Variants in DEFB123 observed in about 807,000 individuals in gnomAD.
The protein encoded by DEFB123 is beta-defensin 123.
For missense variants in DEFB123, 71 were observed against 75.0 expected, an observed-to-expected ratio of 0.95 and a Z score of 0.20; for synonymous variants, 22 against 28.3, an observed-to-expected ratio of 0.78 and a Z score of 0.71.
intron 1 of DEFB123, among the ~76,000 whole-genome samples, chr20:31,448,399 A>G (rs1326881884): frequency 6.6e-6 from 1 of 151,982 alleles, no homozygotes; most frequent in Non-Finnish European, 1.5e-5. Flanking sequence ...TAGAGTTTTC[A>G]TCAAACTTGA....
intron 1 of DEFB123, among the ~76,000 whole-genome samples, chr20:31,444,316 C>T (rs1160985066): frequency 6.6e-6 from 1 of 152,032 alleles, no homozygotes; most frequent in Admixed American, 6.6e-5. Flanking sequence ...ACCCTGAGTT[C>T]GTTCTTTATA....
intron 1 of DEFB123, among the ~76,000 whole-genome samples, chr20:31,447,126 G>A (rs1345047577): frequency 6.6e-6 from 1 of 151,898 alleles, no homozygotes; most frequent in Non-Finnish European, 1.5e-5. Flanking sequence ...GCCAGGCGTG[G>A]TGGCGCATGC....
intron 1 of DEFB123, among the ~76,000 whole-genome samples, chr20:31,448,958 C>T (rs1411910106): frequency 6.6e-6 from 1 of 150,736 alleles, no homozygotes; most frequent in Non-Finnish European, 1.5e-5. Context: ...GAACTCCTGA[C>T]CTCAGGTGAT....
At chr20:31,442,799 G>A (rs551218945) in intron 1 of DEFB123, among the ~76,000 whole-genome samples, 3 of 152,064 alleles carry the variant, frequency 2.0e-5, no homozygotes, top group South Asian at 2.1e-4. Flanking sequence ...AGTAGGATAC[G>A]GTTTGGCCAT....
chr20:31,449,356 G>T (rs758484789), intron 1 of DEFB123, among the ~76,000 whole-genome samples: 130 of 152,086 alleles, frequency 8.5e-4, no homozygotes, highest in Non-Finnish European at 1.7e-3. Context: ...TTTAAGCTTT[G>T]TTAGGATGGG....
At chr20:31,444,928 G>C (rs1012791321) in intron 1 of DEFB123, among the ~76,000 whole-genome samples, 17 of 151,820 alleles carry the variant, frequency 1.1e-4, no homozygotes, top group African/African-American at 4.1e-4. Context: ...CAGTCTCATT[G>C]CTAGGGGGGC....
In DEFB123 at chr20:31,440,778, A is replaced by G. The variant is rs1600549194; in HGVS notation, c.58+22A>G. 1.9e-6 allele frequency: 3 copies of G among 1,612,422 alleles called. No homozygotes were observed. The East Asian group carries it at 6.7e-5, about 36-fold the overall frequency. On this transcript the variant is annotated intron_variant, in intron 1 of 1. Coordinates refer to ENST00000376309, the MANE Select transcript of DEFB123 (RefSeq NM_153324.4). ...CCAGGTAACCTGAACCTCCTTAAGGAAGGGGCAGGGCTTAGAGACTAAGGC... is the reference window on the plus strand; with the variant it reads ...CCAGGTAACCTGAACCTCCTTAAGGGAGGGGCAGGGCTTAGAGACTAAGGC...
At chr20:31,447,323 T>C (rs1181801057) in intron 1 of DEFB123, among the ~76,000 whole-genome samples, 1 of 152,112 alleles carries the variant, frequency 6.6e-6, no homozygotes, top group Non-Finnish European at 1.5e-5. Context: ...AAAAGTTGTT[T>C]ACATTTACCC....
chr20:31,449,797 A>T (rs1979691224), intron 1 of DEFB123, among the ~76,000 whole-genome samples: 1 of 150,998 alleles, frequency 6.6e-6, no homozygotes, highest in Non-Finnish European at 1.5e-5. Context: ...AAAAAAGACA[A>T]TCCGCACACA....
intron 1 of DEFB123, among the ~76,000 whole-genome samples, chr20:31,447,378 C>T (rs1261829533): frequency 6.6e-6 from 1 of 152,120 alleles, no homozygotes; most frequent in Non-Finnish European, 1.5e-5. Flanking sequence ...TGTAGACATC[C>T]AGATTTCCCT....
At chr20:31,441,943 G>A (rs1431804564) in intron 1 of DEFB123, among the ~76,000 whole-genome samples, 1 of 152,192 alleles carries the variant, frequency 6.6e-6, no homozygotes, top group Non-Finnish European at 1.5e-5. Flanking sequence ...ATCAGGTTGA[G>A]GGAACAACAT....
At chr20:31,448,540 T>C (rs75092483) in intron 1 of DEFB123, among the ~76,000 whole-genome samples, 2 of 144,894 alleles carry the variant, frequency 1.4e-5, no homozygotes, top group African/African-American at 4.9e-5. Flanking sequence ...TGCTCTTTTT[T>C]CCCCCCATCT....
At chr20:31,446,602 A>G (rs1360993299) in intron 1 of DEFB123, among the ~76,000 whole-genome samples, 1 of 152,220 alleles carries the variant, frequency 6.6e-6, no homozygotes, top group Non-Finnish European at 1.5e-5. Context: ...GAGTGACGAG[A>G]TATTCTAGGC....
At chr20:31,449,936 A>C (rs1228110730) in intron 1 of DEFB123, 93 bp from the exon 2 acceptor site, 30 of 1,419,862 alleles carry the variant, frequency 2.1e-5, no homozygotes, top group Non-Finnish European at 2.6e-5. Context: ...GGGACCTTCT[A>C]TCTCATCTGT....
At chr20:31,444,930 TA>T (rs141925163) in intron 1 of DEFB123, among the ~76,000 whole-genome samples, 2,997 of 152,312 alleles carry the variant, frequency 0.02, 69 homozygotes, top group Middle Eastern at 0.058. Flanking sequence ...GTCTCATTGC[TA>T]GGGGGGCATC....
chr20:31,441,285 G>A (rs1177104900), intron 1 of DEFB123, among the ~76,000 whole-genome samples: 1 of 152,134 alleles, frequency 6.6e-6, no homozygotes, highest in African/African-American at 2.4e-5. Context: ...GGGAAACCAG[G>A]GGGCTGGGTA....
At chr20:31,448,315 T>C (rs1979643957) in intron 1 of DEFB123, among the ~76,000 whole-genome samples, 1 of 152,178 alleles carries the variant, frequency 6.6e-6, no homozygotes, top group Non-Finnish European at 1.5e-5. Flanking sequence ...AATTTGATTA[T>C]TATGTGCCTT....
At chr20:31,448,197 G>A (rs1159962548) in intron 1 of DEFB123, among the ~76,000 whole-genome samples, 1 of 152,064 alleles carries the variant, frequency 6.6e-6, no homozygotes, top group Non-Finnish European at 1.5e-5. Context: ...TTTCAAGTGT[G>A]AGCCACCACA....
In DEFB123 at chr20:31,440,751, C is replaced by T. The variant is rs1184608255; in HGVS notation, c.53C>T (p.Thr18Ile). ...GTGCTGCTGCTCTTATCCCAGCTGA[C>T]TCCAGGTAACCTGAACCTCCTTAAG... ...LTVLLLLSQLTPGGTQRCWNL... is the reference protein window; with the variant it reads ...LTVLLLLSQLIPGGTQRCWNL... The change falls in exon 1 of 2, where the codon ACT becomes ATT. Residue 18 changes from threonine (T) to isoleucine (I), a missense_variant. By Grantham distance (89) the Thr-to-Ile change is moderately conservative. Coordinates refer to ENST00000376309, the MANE Select transcript of DEFB123 (RefSeq NM_153324.4). 3 of 1,613,526 alleles carry T rather than the reference C, an allele frequency of 1.9e-6. No homozygotes were observed. The highest frequency in any genetic ancestry group is 3.3e-5 in the Admixed American group (2 of 60,026).
Sources: allele counts gnomAD v4.1 joint callset (sites outside exome capture counted in the v4.1 genomes callset), GRCh38; gene constraint gnomAD v4.1.1; transcripts MANE v1.5; gene names NCBI Gene and HGNC (gene_info 2026-07-23, HGNC 2026-07-21).